The following MYLK variants were observed in gnomAD, a reference collection of about 807,000 sequenced individuals.
MYLK encodes myosin light chain kinase, smooth muscle.
In MYLK, 106 loss-of-function variants were observed where a neutral mutation model predicts 203.4. The observed-to-expected ratio is 0.52, with a 90% CI of 0.45 to 0.61. MYLK has a LOEUF of 0.61. MYLK is among the 20% of genes least tolerant of loss of function. The pLI, the probability that MYLK is intolerant of heterozygous loss-of-function variation, is 0.00. For synonymous variants in MYLK, 867 were observed against 959.5 expected, an observed-to-expected ratio of 0.90 and a Z score of 1.78; for missense variants, 2,072 against 2,442.3, an observed-to-expected ratio of 0.85 and a Z score of 3.20.
chr3:123,827,789 A>T (rs2066181971), intron 3 of MYLK, among the ~76,000 whole-genome samples: 1 of 139,134 alleles, frequency 7.2e-6, no homozygotes, highest in African/African-American at 2.6e-5. Context: ...AAACAAATTT[A>T]GTAAAGTTAC....
intron 20 of MYLK, among the ~76,000 whole-genome samples, chr3:123,668,993 C>A (rs1369570187): frequency 6.6e-6 from 1 of 152,192 alleles, no homozygotes; most frequent in African/African-American, 2.4e-5. Flanking sequence ...GATAACTTCA[C>A]CTCTGCAGAT....
intron 20 of MYLK, among the ~76,000 whole-genome samples, chr3:123,671,522 G>A (rs1306524511): frequency 6.6e-6 from 1 of 152,196 alleles, no homozygotes; most frequent in African/African-American, 2.4e-5. Flanking sequence ...AGAGCACCAG[G>A]TGTGCCCAGC....
Position 123,648,993 on chromosome 3 carries a change from C to T in MYLK, c.4393G>A (p.Asp1465Asn), listed in dbSNP as rs1279018766. Residue 1465 changes from aspartate (D) to asparagine (N), a missense_variant, in exon 26 of 34, where the codon GAC becomes AAC. Asp to Asn is a conservative substitution (Grantham distance 23). This residue lies in a region of MYLK where 524 missense variants were observed against 782.4 expected (regional missense o/e 0.67). Coordinates refer to ENST00000360304, the MANE Select transcript of MYLK (RefSeq NM_053025.4). This position sits in a 1 kb window ranked among gnomAD's most constrained non-coding sequence, Gnocchi z 4.5. The part of the protein sequence containing the change: ...NTEQKVSDFY[D>N]IEERLGSGKF... The stretch of plus-strand genomic sequence containing the variant: ...TACGATCCTAATCTCTCCTCAATGT[C>T]GTAGAAGTCAGATACTTTTTGTTCA... The T allele has an allele frequency of 1.9e-6, 3 of 1,614,128 alleles. No homozygotes were observed. The highest frequency in any genetic ancestry group is 2.5e-6 in the Non-Finnish European group (3 of 1,180,008).
chr3:123,757,554 T>C (rs7623747), intron 4 of MYLK, among the ~76,000 whole-genome samples: 135,649 of 152,158 alleles, frequency 0.89, 62,426 homozygotes, highest in East Asian at 1. Flanking sequence ...GAAAGCAGGA[T>C]TGAGCTGAGG....
chr3:123,729,017 A>T (rs2108770254), intron 11 of MYLK, among the ~76,000 whole-genome samples: 1 of 152,266 alleles, frequency 6.6e-6, no homozygotes, highest in South Asian at 2.1e-4. Flanking sequence ...AAACTGGGGA[A>T]TGAGATGTCC....
At chr3:123,636,201 G>A (rs1009689270) in intron 29 of MYLK, among the ~76,000 whole-genome samples, 17 of 152,250 alleles carry the variant, frequency 1.1e-4, no homozygotes, top group Non-Finnish European at 2.2e-4. Context: ...GCCTGGGACT[G>A]TTCCCATGTT....
At chr3:123,863,955 C>CA (rs1276815753) in intron 2 of MYLK, among the ~76,000 whole-genome samples, 1 of 151,860 alleles carries the variant, frequency 6.6e-6, no homozygotes, top group Non-Finnish European at 1.5e-5. Context: ...ACTTTTTTTC[C>CA]AAAAACTGGA....
chr3:123,844,641 A>G (rs916690816), intron 2 of MYLK, among the ~76,000 whole-genome samples: 1 of 152,092 alleles, frequency 6.6e-6, no homozygotes, highest in African/African-American at 2.4e-5. Flanking sequence ...GGGCAGGCAT[A>G]CATTCTACAA....
chr3:123,831,704 A>G, intron 2 of MYLK, 34 bp from the exon 3 acceptor site: 1 of 250,112 alleles, frequency 4.0e-6, no homozygotes, highest in Non-Finnish European at 8.2e-6. Context: ...GGAAAGCCAA[A>G]TCAGAGACAG....
At chr3:123,657,915 C>G (rs2059441581) in intron 23 of MYLK, among the ~76,000 whole-genome samples, 1 of 152,192 alleles carries the variant, frequency 6.6e-6, no homozygotes, top group African/African-American at 2.4e-5. Context: ...CCTGCCCCAC[C>G]AAGGGGTGGT....
chr3:123,828,706 A>C (rs1051102364), intron 3 of MYLK, among the ~76,000 whole-genome samples: 8 of 152,222 alleles, frequency 5.3e-5, no homozygotes, highest in Non-Finnish European at 1.2e-4. Flanking sequence ...CAAACTATTC[A>C]CCTGACAGGG....
intron 13 of MYLK, among the ~76,000 whole-genome samples, chr3:123,716,781 T>C (rs374190182): frequency 5.9e-5 from 9 of 152,288 alleles, no homozygotes; most frequent in Admixed American, 3.9e-4. Context: ...TGACTGACTA[T>C]GGGCTGTAGA....
intron 31 of MYLK, chr3:123,622,226 T>G (rs1219364346): frequency 6.6e-6 from 1 of 152,234 alleles, no homozygotes; most frequent in Non-Finnish European, 1.5e-5. Flanking sequence ...GATTGGTTTG[T>G]CCTGGGCTAG....
chr3:123,710,452 A>G (rs1252278564), intron 13 of MYLK, among the ~76,000 whole-genome samples: 1 of 152,244 alleles, frequency 6.6e-6, no homozygotes, highest in Non-Finnish European at 1.5e-5. Flanking sequence ...AGAACTGAAG[A>G]GCTTCTTTGT....
chr3:123,810,650 C>T (rs1217337282), intron 3 of MYLK, among the ~76,000 whole-genome samples: 2 of 152,242 alleles, frequency 1.3e-5, no homozygotes, highest in African/African-American at 2.4e-5. Flanking sequence ...CCTTCCCTGT[C>T]GTGCTCCTCA....
intron 2 of MYLK, among the ~76,000 whole-genome samples, chr3:123,858,883 C>T (rs1303945728): frequency 2.6e-5 from 4 of 152,184 alleles, no homozygotes; most frequent in Admixed American, 1.3e-4. Context: ...TCTCTTCCTA[C>T]CAAACTGGCT....
chr3:123,766,345 C>T (rs1020834452), intron 4 of MYLK, among the ~76,000 whole-genome samples: 23 of 152,332 alleles, frequency 1.5e-4, no homozygotes, highest in African/African-American at 5.3e-4. Flanking sequence ...TCCAGGCCGC[C>T]CAGAAGTGGC....
intron 2 of MYLK, among the ~76,000 whole-genome samples, chr3:123,871,323 T>C (rs1490817830): frequency 6.6e-6 from 1 of 151,890 alleles, no homozygotes; most frequent in East Asian, 1.9e-4. Flanking sequence ...GCAGAATATA[T>C]GATAAAGAAA....
At chr3:123,644,036 T>TG (rs1290268420) in intron 27 of MYLK, among the ~76,000 whole-genome samples, 8 of 152,194 alleles carry the variant, frequency 5.3e-5, no homozygotes, top group African/African-American at 1.9e-4. Flanking sequence ...TACTATATGG[T>TG]GGGGGCTCAT....
Sources: allele counts gnomAD v4.1 joint callset (sites outside exome capture counted in the v4.1 genomes callset), GRCh38; gene constraint gnomAD v4.1.1; regional missense constraint gnomAD v4.1.1; non-coding constraint Gnocchi (gnomAD v3.1); transcripts MANE v1.5; gene names NCBI Gene and HGNC (gene_info 2026-07-23, HGNC 2026-07-21).